Variants in AGRN observed in about 807,000 individuals in gnomAD.
The protein encoded by AGRN is agrin, also known as agrin proteoglycan.
A neutral mutation model predicts 211.0 loss-of-function variants in AGRN; 106 were observed. The observed-to-expected ratio is 0.50, with a 90% CI of 0.43 to 0.59. AGRN has a LOEUF of 0.59. Ranked by LOEUF, AGRN falls within the 20% of genes least tolerant of loss-of-function variation. The pLI is 0.00. For synonymous variants in AGRN, 1,525 were observed against 1,332.5 expected (o/e 1.14, Z -3.15); for missense variants, 3,040 against 2,982.6 (o/e 1.02, Z -0.45).
chr1:1,020,853 G>GGA (rs935897355), intron 1 of AGRN, among the ~76,000 whole-genome samples: 5 of 150,934 alleles, frequency 3.3e-5, no homozygotes, highest in African/African-American at 1.2e-4. Context: ...GGTGCGGGGG[G>GGA]GGGGCGTGCA....
At chr1:1,051,860 C>T (rs780103486) in intron 33 of AGRN, 45 bp downstream of exon 33, 16 of 1,609,018 alleles carry the variant, frequency 9.9e-6, no homozygotes, top group Middle Eastern at 1.7e-4. Flanking sequence ...TCTGTGCCCT[C>T]GGGGCGGGAC....
chr1:1,043,255 A>G lies in AGRN; in HGVS notation c.1401A>G (p.Pro467=), dbSNP rs763998310. Residue 467 remains proline, a synonymous_variant, in exon 8 of 36, where the codon CCA becomes CCG. Coordinates refer to ENST00000379370, the MANE Select transcript of AGRN (RefSeq NM_198576.4). ...HQGPCDQAPS[P]CLGVQCAFGA... The stretch of plus-strand genomic sequence containing the variant: ...CCTTCCCAGACCAGGCCCCGTCCCC[A>G]TGCCTCGGGGTGCAGTGTGCATTTG... The G allele has an allele frequency of 3.1e-6, 5 of 1,608,338 alleles. No individual in the cohort carries two copies. Among genetic ancestry groups the G allele is most frequent in the Admixed American group, 1.7e-5 (1 of 59,076 alleles).
Position 1,031,687 on chromosome 1 carries a change from G to C in AGRN, c.464-3590G>C, listed in dbSNP as rs981654448. On this transcript the variant is annotated intron_variant, in intron 2 of 35. Transcript: ENST00000379370. This position sits in a 1 kb window ranked among gnomAD's most constrained non-coding sequence, Gnocchi z 4.8. ...AGATCCCAGGGTCTCTCTGTGTGGG[G>C]GCAAACTTCCCAGGCAGTGTTTGAG... 1.3e-5 allele frequency among the ~76,000 whole-genome samples: 2 copies of C among 152,174 alleles called. No homozygotes were observed. Among genetic ancestry groups the C allele is most frequent in the African/African-American group, 2.4e-5 (1 of 41,444 alleles).
intron 27 of AGRN, 54 bp downstream of exon 27, chr1:1,050,091 G>A (rs1645237293): frequency 1.7e-5 from 26 of 1,553,098 alleles, no homozygotes; most frequent in Non-Finnish European, 2.2e-5. Flanking sequence ...GAACGTTTGG[G>A]CGGGTACAGG....
intron 33 of AGRN, chr1:1,052,352 AGTGT>A (rs905438902): frequency 2.6e-5 from 9 of 342,744 alleles, no homozygotes; most frequent in African/African-American, 1.3e-4. Context: ...TGGATGTGCA[AGTGT>A]GTGTGAATAT....
At chr1:1,050,992 TGCTCTC>T in intron 30 of AGRN, 155 bp downstream of exon 30, 1 of 1,550,504 alleles carries the variant, frequency 6.4e-7, no homozygotes, top group Non-Finnish European at 8.7e-7. Context: ...CCCTGCTCTC[TGCTCTC>T]GCTCTGCAAC....
intron 2 of AGRN, among the ~76,000 whole-genome samples, chr1:1,025,906 C>A (rs1050879100): frequency 1.3e-5 from 2 of 152,166 alleles, no homozygotes; most frequent in Non-Finnish European, 2.9e-5. Flanking sequence ...GGTGGGAAGT[C>A]GGGGCTCGGT....
intron 2 of AGRN, among the ~76,000 whole-genome samples, chr1:1,029,394 T>TCTATGCAGGCAGGTGGGGGGATCAGTGG (rs1644597894): frequency 2.4e-5 from 3 of 124,158 alleles, no homozygotes; most frequent in Non-Finnish European, 4.9e-5. Flanking sequence ...GGGATCAGTG[T>TCTATGCAGGCAGGTGGGGGGATCAGTGG]CTATGCAGGC....
intron 2 of AGRN, chr1:1,034,111 G>A: frequency 1.0e-6 from 1 of 985,168 alleles, no homozygotes; most frequent in Non-Finnish European, 1.2e-6. Context: ...CTGCCTGCCC[G>A]CTCCTATCGC....
intron 1 of AGRN, among the ~76,000 whole-genome samples, chr1:1,021,544 G>A (rs1044077658): frequency 2.0e-5 from 3 of 152,246 alleles, no homozygotes; most frequent in African/African-American, 7.2e-5. Context: ...TTGTTCTCAG[G>A]GGAGTGCGTG....
rs1030070587 is a variant in AGRN, at chr1:1,028,328, C to G, written c.463+5866C>G. Among the ~76,000 whole-genome samples the G allele has an allele frequency of 2.2e-4, 30 of 135,676 alleles. 1 individual carries two copies. In the South Asian group the frequency reaches 2.5e-3, roughly 11 times the overall value. The allele number at this position is 135,676 out of a possible 152,430, so 89.0% of individuals were successfully genotyped here. ...CTCTCCCGTGGGGAAACGCCCCCCC[C>G]CCCCCCCCGCCCTGCACCTGGCTGG... On this transcript the variant is annotated intron_variant, in intron 2 of 35. Transcript: ENST00000379370.
chr1:1,046,367 G>T (rs776948104), intron 17 of AGRN, 30 bp from the exon 18 acceptor site: 1 of 1,604,674 alleles, frequency 6.2e-7, no homozygotes, highest in South Asian at 1.1e-5. Context: ...GTCCCAACCG[G>T]TCCCCCCGCC....
intron 3 of AGRN, among the ~76,000 whole-genome samples, chr1:1,040,406 C>A (rs1163323065): frequency 6.6e-6 from 1 of 152,170 alleles, no homozygotes; most frequent in African/African-American, 2.4e-5. Flanking sequence ...CCCCTCTCCG[C>A]GCCTGCAGGT....
chr1:1,050,988 T>G, intron 30 of AGRN, 151 bp downstream of exon 30: 1 of 1,550,564 alleles, frequency 6.4e-7, no homozygotes, highest in Non-Finnish European at 8.7e-7. Flanking sequence ...GCCTCCCTGC[T>G]CTCTGCTCTC....
At chr1:1,054,090 C>T in intron 34 of AGRN, 113 bp downstream of exon 34, 1 of 1,197,124 alleles carries the variant, frequency 8.4e-7, no homozygotes, top group South Asian at 1.4e-5. Context: ...CGCCTTGCTG[C>T]CTGAGCCGAG....
Position 1,042,141 on chromosome 1 carries a change from A to G in AGRN, c.1363A>G (p.Ser455Gly), listed in dbSNP as rs367604898. The change falls in exon 7 of 36, where the codon AGC (serine) becomes GGC (glycine). Residue 455 changes from serine (S) to glycine (G), a missense_variant. Physicochemically the swap from Ser to Gly is moderately conservative, Grantham distance 56. Transcript: ENST00000379370. ...GTGCCGGCAGCAGCGTGCCATCCCCAGCAAGCACCAGGGCCCGTGTGGTGA... is the reference window on the plus strand; with the variant it reads ...GTGCCGGCAGCAGCGTGCCATCCCCGGCAAGCACCAGGGCCCGTGTGGTGA... ...AECRQQRAIP[S>G]KHQGPCDQAP... 3.1e-6 allele frequency: 5 copies of G among 1,598,670 alleles called. No individual in the cohort carries two copies. The highest frequency in any genetic ancestry group is 4.2e-6 in the Non-Finnish European group (5 of 1,177,444).
Position 1,044,020 on chromosome 1 carries a change from C to G in AGRN, c.1996C>G (p.Gln666Glu), listed in dbSNP as rs138977015. Residue 666 changes from glutamine (Q) to glutamate (E), a missense_variant, in exon 10 of 36, where the codon CAG becomes GAG. Gln to Glu is a conservative substitution (Grantham distance 29). Transcript: ENST00000379370. The stretch of plus-strand genomic sequence containing the variant: ...GGAGGCCCGGGCAGGGCCGTGCGAG[C>G]AGGGTAGGCCGGGGGACGCTGGCGA... ...IEEARAGPCEQAECGSGGSGS... is the reference protein window; with the variant it reads ...IEEARAGPCEEAECGSGGSGS... 87 of 1,609,558 alleles carry G rather than the reference C, an allele frequency of 5.4e-5. No individual in the cohort carries two copies. In the African/African-American group the frequency reaches 1.1e-3, roughly 20 times the overall value.
At chr1:1,040,619 G>A in intron 3 of AGRN, 46 bp from the exon 4 acceptor site, 1 of 1,532,334 alleles carries the variant, frequency 6.5e-7, no homozygotes, top group Non-Finnish European at 8.8e-7. Flanking sequence ...GTGGACGTGG[G>A]TACGGGCGTC....
chr1:1,040,574 C>T (rs182912380), intron 3 of AGRN, 91 bp from the exon 4 acceptor site: 7 of 1,452,426 alleles, frequency 4.8e-6, no homozygotes, highest in Admixed American at 2.0e-5. Context: ...CGGGTGAATG[C>T]GCGGGCTGCG....
Sources: gnomAD v4.1 joint callset for allele counts (sites outside exome capture counted in the v4.1 genomes callset) on GRCh38, gnomAD v4.1.1 for gene constraint, Gnocchi (gnomAD v3.1) non-coding constraint, MANE v1.5 for transcripts, NCBI Gene and HGNC (gene_info 2026-07-23, HGNC 2026-07-21) for gene names.